Variants in LYSMD3 observed in about 807,000 individuals in gnomAD.
LYSMD3 encodes the protein LysM domain containing 3, also known as lysM and putative peptidoglycan-binding domain-containing protein 3.
A neutral mutation model predicts 26.1 loss-of-function variants in LYSMD3; 13 were observed. The observed-to-expected ratio is 0.50, with a 90% CI of 0.32 to 0.79. LYSMD3 has a LOEUF of 0.79. Among genes scored for constraint, LYSMD3 ranks in the 30% least tolerant of loss-of-function variants. LYSMD3 has a pLI of 0.03. For missense variants in LYSMD3, 331 were observed against 362.5 expected (o/e 0.91, Z 0.71); for synonymous variants, 109 against 119.4 (o/e 0.91, Z 0.57).
chr5:90,523,251 ACAC>A (rs1353422078), intron 2 of LYSMD3, among the ~76,000 whole-genome samples: 6 of 152,204 alleles, frequency 3.9e-5, no homozygotes, highest in Admixed American at 6.5e-5. Context: ...CCCAGCTCTT[ACAC>A]CACATCAAAA....
At chr5:90,528,512 T>C (rs1753279836) in intron 1 of LYSMD3, among the ~76,000 whole-genome samples, 1 of 152,174 alleles carries the variant, frequency 6.6e-6, no homozygotes, top group South Asian at 2.1e-4. Flanking sequence ...TCACTATCTC[T>C]CCACTCCCCT....
chr5:90,522,666 G>C (rs1228680765), intron 2 of LYSMD3, among the ~76,000 whole-genome samples: 2 of 151,992 alleles, frequency 1.3e-5, no homozygotes, highest in Non-Finnish European at 2.9e-5. Flanking sequence ...TTACTATATG[G>C]ATCAAACTTT....
rs947897671 is a variant in LYSMD3, at chr5:90,517,781, G to A, written c.*1038C>T. ...GCTTAATGAACCATTTTCTTCAACA[G>A]ACCTCAAAGGCAGTTTTGACCCAAT... On this transcript the variant is annotated 3_prime_UTR_variant, in exon 3 of 3. Coordinates refer to ENST00000315948, the MANE Select transcript of LYSMD3 (RefSeq NM_198273.2). The A allele has an allele frequency of 6.6e-5, 10 of 152,440 alleles. No homozygotes were observed. Among genetic ancestry groups the A allele is most frequent in the African/African-American group, 2.4e-4 (10 of 41,422 alleles). 9.4% of individuals were successfully genotyped at this position (152,440 alleles called of 1,614,324 possible). A position where few individuals can be genotyped will look rare whatever the true frequency, so the allele number is the denominator to read the frequency against.
In LYSMD3 at chr5:90,525,113, A is replaced by G. The variant is rs1378075082; in HGVS notation, c.177T>C (p.Leu59=). 1 of 1,614,062 alleles carries G rather than the reference A, an allele frequency of 6.2e-7. No homozygotes were observed. The highest frequency in any genetic ancestry group is 1.7e-5 in the Admixed American group (1 of 60,014). ...CTTTTGTTAATACTATAATGTCGTC[A>G]AGTCTATCTCTTGATGTACTTCTTC... The part of the protein sequence containing the change: ...KVRRSTSRDR[L]DDIIVLTKDI... The change falls in exon 2 of 3, where the codon CTT becomes CTC. Residue 59 remains leucine (L), a synonymous_variant. Transcript: ENST00000315948.
chr5:90,525,512 C>T (rs539401860), intron 1 of LYSMD3, among the ~76,000 whole-genome samples: 1 of 152,098 alleles, frequency 6.6e-6, no homozygotes, highest in African/African-American at 2.4e-5. Flanking sequence ...TGCAGTAGTG[C>T]GATCTCAGCT....
rs1753024920 is a variant in LYSMD3 at position 90,519,177 on chromosome 5, G to A, written c.563C>T (p.Ala188Val). 6.2e-7 allele frequency: 1 copy of A among 1,613,908 alleles called. No homozygotes were observed. Among genetic ancestry groups the A allele is most frequent in the Non-Finnish European group, 8.5e-7 (1 of 1,179,932 alleles). ...KRENLNEVVS[A>V]LTAQQMRFEP... is the part of the protein sequence containing the mutation. The stretch of plus-strand genomic sequence containing the variant: ...AAAACGCATTTGTTGTGCTGTTAAG[G>A]CCGATACTACCTCATTGAGGTTCTC... Residue 188 changes from alanine (A) to valine (V), a missense_variant, in exon 3 of 3, where the codon GCC becomes GTC. Around this residue, in one of 3 missense-constraint regions of LYSMD3, gnomAD observed 262 missense variants for 267.3 expected, o/e 0.98. Coordinates refer to ENST00000315948, the MANE Select transcript of LYSMD3 (RefSeq NM_198273.2).
chr5:90,523,112 G>T (rs1479810471), intron 2 of LYSMD3, among the ~76,000 whole-genome samples: 1 of 151,112 alleles, frequency 6.6e-6, no homozygotes, highest in East Asian at 2.0e-4. Context: ...TTTATCAATG[G>T]TCTTATTTCT....
chr5:90,515,729 C>T lies in LYSMD3; in HGVS notation c.*3090G>A, dbSNP rs1752928707. ...AAAACTGGTTTTACAGATACACATGCTAACAATGTTCTACAGTTACATTTG... is the reference window on the plus strand; with the variant it reads ...AAAACTGGTTTTACAGATACACATGTTAACAATGTTCTACAGTTACATTTG... On this transcript the variant is annotated 3_prime_UTR_variant, in exon 3 of 3. Coordinates refer to ENST00000315948, the MANE Select transcript of LYSMD3 (RefSeq NM_198273.2). The T allele has an allele frequency of 6.6e-6, 1 of 152,090 alleles. No homozygotes were observed. Among genetic ancestry groups the T allele is most frequent in the Non-Finnish European group, 1.5e-5 (1 of 68,014 alleles). The allele number at this position is 152,090 out of a possible 1,614,324, so 9.4% of individuals were successfully genotyped here.
At position 90,517,532 on chromosome 5, in the gene LYSMD3, TAC is replaced by T. The variant is rs1317139473; in HGVS notation, c.*1285_*1286del. On this transcript the variant is annotated 3_prime_UTR_variant, in exon 3 of 3. Transcript: ENST00000315948. ...ATGGAATCAGTATGCAAATGCTTCT[TAC>T]TTAGCCAGACTGTAGCCGACTCAAC... is the stretch of plus-strand genomic sequence containing the variant. 6.7e-6 allele frequency: 1 copy of T among 148,810 alleles called. No individual in the cohort carries two copies. Among genetic ancestry groups the T allele is most frequent in the African/African-American group, 2.5e-5 (1 of 39,386 alleles). 9.2% of individuals were successfully genotyped at this position (148,810 alleles called of 1,614,324 possible). A position where few individuals can be genotyped will look rare whatever the true frequency, so the allele number is the denominator to read the frequency against.
At position 90,517,955 on chromosome 5, in the gene LYSMD3, G is replaced by A. The variant is rs1287290821; in HGVS notation, c.*864C>T. 1 of 152,460 alleles carries A rather than the reference G, an allele frequency of 6.6e-6. No individual in the cohort carries two copies. Among genetic ancestry groups the A allele is most frequent in the African/African-American group, 2.4e-5 (1 of 41,416 alleles). The allele number at this position is 152,460 out of a possible 1,614,324, so 9.4% of individuals were successfully genotyped here. ...AAGGCATTAAATGTAATTAAGGCAT[G>A]TTACTGTATGTAACAGCAATGATTT... On this transcript the variant is annotated 3_prime_UTR_variant, in exon 3 of 3. Coordinates refer to ENST00000315948, the MANE Select transcript of LYSMD3 (RefSeq NM_198273.2).
intron 2 of LYSMD3, among the ~76,000 whole-genome samples, chr5:90,523,720 T>C (rs1406606751): frequency 6.6e-6 from 1 of 152,162 alleles, no homozygotes. Context: ...TAAATGTTAA[T>C]ACAACATTCT....
At position 90,518,946 on chromosome 5, in the gene LYSMD3, GGT is replaced by G. The variant is rs1561265523; in HGVS notation, c.792_793del (p.Pro266IlefsTer14). 6.2e-7 allele frequency: 1 copy of G among 1,613,906 alleles called. No homozygotes were observed. On this transcript the variant is annotated frameshift_variant, in exon 3 of 3. Transcript: ENST00000315948. LOFTEE classifies it high-confidence loss of function. Reference sequence around the variant, plus strand: ...TTCCATTTCTCTCTGCTGTGATGGGGGTGTGATTTTTGAATGTAAATGTGAAG... The same window carrying G: ...TTCCATTTCTCTCTGCTGTGATGGGGGTGATTTTTGAATGTAAATGTGAAG...
intron 2 of LYSMD3, among the ~76,000 whole-genome samples, chr5:90,523,727 T>C (rs1185159415): frequency 6.6e-6 from 1 of 152,152 alleles, no homozygotes; most frequent in African/African-American, 2.4e-5. Context: ...TAATACAACA[T>C]TCTGAAAATT....
In LYSMD3 at chr5:90,518,411, A is replaced by G. The variant is rs1247680715; in HGVS notation, c.*408T>C. ...TAGAATCAAATTTTCTTGCAACTGA[A>G]TATTTTGGGGGTTCATAGTAGTAAA... On this transcript the variant is annotated 3_prime_UTR_variant, in exon 3 of 3. Transcript: ENST00000315948. 4 of 157,412 alleles carry G rather than the reference A, an allele frequency of 2.5e-5. No homozygotes were observed. The highest frequency in any genetic ancestry group is 4.0e-4 in the South Asian group (2 of 5,024). The allele number at this position is 157,412 out of a possible 1,614,324, so 9.8% of individuals were successfully genotyped here.
At position 90,519,418 on chromosome 5, in the gene LYSMD3, T is replaced by C; in HGVS notation, c.322A>G (p.Lys108Glu). The C allele has an allele frequency of 6.2e-7, 1 of 1,614,018 alleles. No individual in the cohort carries two copies. Among genetic ancestry groups the C allele is most frequent in the Non-Finnish European group, 8.5e-7 (1 of 1,179,974 alleles). ...GAACTGAACTTTTTTACTGGAATTTTGATAGACCTAAGGGCAAAAAAGTCT... is the reference window on the plus strand; with the variant it reads ...GAACTGAACTTTTTTACTGGAATTTCGATAGACCTAAGGGCAAAAAAGTCT... The part of the protein sequence containing the change: ...DQDFFALRSI[K>E]IPVKKFSSLT... Residue 108 changes from lysine to glutamate, a missense_variant, in exon 3 of 3, where the codon AAA becomes GAA. Transcript: ENST00000315948.
intron 1 of LYSMD3, among the ~76,000 whole-genome samples, chr5:90,528,730 G>A (rs1013582535): frequency 4.6e-5 from 7 of 152,120 alleles, no homozygotes; most frequent in Non-Finnish European, 5.9e-5. Context: ...CAGGAAAAAG[G>A]CACGAACTCC....
At position 90,517,773 on chromosome 5, in the gene LYSMD3, C is replaced by T. The variant is rs1440557831; in HGVS notation, c.*1046G>A. The stretch of plus-strand genomic sequence containing the variant: ...TCTTTTTTGCTTAATGAACCATTTT[C>T]TTCAACAGACCTCAAAGGCAGTTTT... On this transcript the variant is annotated 3_prime_UTR_variant, in exon 3 of 3. Transcript: ENST00000315948. 6.6e-6 allele frequency: 1 copy of T among 152,456 alleles called. No individual in the cohort carries two copies. Among genetic ancestry groups the T allele is most frequent in the Non-Finnish European group, 1.5e-5 (1 of 67,912 alleles). 9.4% of individuals were successfully genotyped at this position (152,456 alleles called of 1,614,324 possible). A position where few individuals can be genotyped will look rare whatever the true frequency, so the allele number is the denominator to read the frequency against.
chr5:90,527,887 T>C (rs1753263270), intron 1 of LYSMD3, among the ~76,000 whole-genome samples: 1 of 152,200 alleles, frequency 6.6e-6, no homozygotes, highest in Admixed American at 6.5e-5. Flanking sequence ...GGCAATATTA[T>C]AATGCTTTAA....
rs1448724377 is a variant in LYSMD3 at position 90,518,536 on chromosome 5, G to A, written c.*283C>T. 3.4e-6 allele frequency: 1 copy of A among 297,726 alleles called. No individual in the cohort carries two copies. The highest frequency in any genetic ancestry group is 6.1e-6 in the Non-Finnish European group (1 of 163,130). The allele number at this position is 297,726 out of a possible 1,614,324, so 18.4% of individuals were successfully genotyped here. The stretch of plus-strand genomic sequence containing the variant: ...ACTTAAAAAAATAAAATTTAAACAT[G>A]CATTTTAAGAAAAATGATACATCTT... On this transcript the variant is annotated 3_prime_UTR_variant, in exon 3 of 3. Transcript: ENST00000315948.
Sources: allele counts gnomAD v4.1 joint callset (sites outside exome capture counted in the v4.1 genomes callset), GRCh38; gene constraint gnomAD v4.1.1; regional missense constraint gnomAD v4.1.1; transcripts MANE v1.5; gene names NCBI Gene and HGNC (gene_info 2026-07-23, HGNC 2026-07-21).